ADD2: variants seen among roughly 807,000 people sequenced by gnomAD.
ADD2 encodes beta-adducin.
ADD2 carries 23 observed loss-of-function variants against 83.0 expected under a neutral mutation model. The observed-to-expected ratio is 0.28, with a 90% CI of 0.20 to 0.39. ADD2 has a LOEUF of 0.39. ADD2 is among the 10% of genes least tolerant of loss of function. ADD2 has a pLI of 1.00. For synonymous variants in ADD2, 375 were observed against 375.4 expected, an observed-to-expected ratio of 1.00 and a Z score of 0.01; for missense variants, 758 against 944.9, an observed-to-expected ratio of 0.80 and a Z score of 2.59.
At chr2:70,694,724 G>A (rs1184818938) in intron 6 of ADD2, among the ~76,000 whole-genome samples, 3 of 152,064 alleles carry the variant, frequency 2.0e-5, no homozygotes, top group Admixed American at 6.6e-5. Context: ...TCAGCTAGAC[G>A]CCTCCTCCCT....
At chr2:70,735,453 G>A (rs1256197214) in intron 1 of ADD2, among the ~76,000 whole-genome samples, 1 of 152,010 alleles carries the variant, frequency 6.6e-6, no homozygotes, top group Non-Finnish European at 1.5e-5. Flanking sequence ...ACACTCCAGG[G>A]GAGCTTTTAA....
At chr2:70,765,055 G>A (rs1448455200) in intron 1 of ADD2, among the ~76,000 whole-genome samples, 2 of 151,848 alleles carry the variant, frequency 1.3e-5, no homozygotes, top group African/African-American at 2.4e-5. Context: ...TTCTGGTCTC[G>A]GAATCAAGAA....
intron 1 of ADD2, among the ~76,000 whole-genome samples, chr2:70,744,796 G>A (rs1553381690): frequency 1.3e-5 from 2 of 152,132 alleles, no homozygotes; most frequent in Non-Finnish European, 2.9e-5. Context: ...GTCAGTTAGA[G>A]GCAGCAGCAG....
In ADD2 at chr2:70,676,506, G is replaced by T; in HGVS notation, c.1593+290C>A. 1 of 1,371,822 alleles carries T rather than the reference G, an allele frequency of 7.3e-7. No homozygotes were observed. Among genetic ancestry groups the T allele is most frequent in the South Asian group, 2.0e-5 (1 of 51,208 alleles). The allele number at this position is 1,371,822 out of a possible 1,614,324, so 85.0% of individuals were successfully genotyped here. ...CTTCACGGGGTAGTAAGGGAGGACA[G>T]AGTGGAGTTCCATGGCAGGAGGTAC... On this transcript the variant is annotated intron_variant, in intron 13 of 15. Transcript: ENST00000264436. The surrounding 1 kb of genome is among the most constrained non-coding windows in gnomAD (Gnocchi z 4.8).
chr2:70,667,424 C>T (rs563780225), intron 15 of ADD2, among the ~76,000 whole-genome samples: 7 of 152,248 alleles, frequency 4.6e-5, no homozygotes, highest in Admixed American at 1.3e-4. Flanking sequence ...CTGTGGGAGG[C>T]GCAGAGCTGG....
intron 4 of ADD2, among the ~76,000 whole-genome samples, chr2:70,701,817 A>T (rs554770180): frequency 6.6e-6 from 1 of 152,180 alleles, no homozygotes; most frequent in African/African-American, 2.4e-5. Flanking sequence ...AGTAAACTTC[A>T]TAAGAAATTA....
At chr2:70,705,902 G>A (rs1418253969) in intron 3 of ADD2, among the ~76,000 whole-genome samples, 2 of 152,158 alleles carry the variant, frequency 1.3e-5, no homozygotes, top group Admixed American at 6.5e-5. Flanking sequence ...GGATTTGTCC[G>A]TTCACTGTCA....
At chr2:70,741,819 G>GTGTCTT (rs1255849333) in intron 1 of ADD2, among the ~76,000 whole-genome samples, 1 of 152,124 alleles carries the variant, frequency 6.6e-6, no homozygotes, top group African/African-American at 2.4e-5. Context: ...AAATCATATG[G>GTGTCTT]TGTCTTGGTA....
chr2:70,734,298 A>T (rs1268255877), intron 1 of ADD2, among the ~76,000 whole-genome samples: 1 of 152,192 alleles, frequency 6.6e-6, no homozygotes, highest in Non-Finnish European at 1.5e-5. Context: ...GGGAAGCAGG[A>T]TTGGCCACTC....
chr2:70,706,293 G>A lies in ADD2; in HGVS notation c.116C>T (p.Ala39Val), dbSNP rs373392326. ...PEYMRLRNRAADLRQDFNLME... is the reference protein window; with the variant it reads ...PEYMRLRNRAVDLRQDFNLME... ...CAGGTTGAAGTCCTGCCGCAGGTCC[G>A]CCGCCCGGTTGCGAAGGCGCATGTA... Residue 39 changes from alanine to valine, a missense_variant, in exon 3 of 16, where the codon GCG (alanine) becomes GTG (valine). Coordinates refer to ENST00000264436, the MANE Select transcript of ADD2 (RefSeq NM_001617.4). This position sits in a 1 kb window ranked among gnomAD's most constrained non-coding sequence, Gnocchi z 5.0. The A allele has an allele frequency of 1.2e-6, 2 of 1,614,002 alleles. No individual in the cohort carries two copies. The highest frequency in any genetic ancestry group is 2.2e-5 in the East Asian group (1 of 44,888).
chr2:70,683,893 G>A, intron 9 of ADD2, 126 bp from the exon 10 acceptor site: 1 of 1,055,800 alleles, frequency 9.5e-7, no homozygotes, highest in Non-Finnish European at 1.3e-6. Flanking sequence ...CTGAGAAAGA[G>A]CCACCCATAC....
chr2:70,757,928 G>A (rs1674879818), intron 1 of ADD2, among the ~76,000 whole-genome samples: 1 of 152,104 alleles, frequency 6.6e-6, no homozygotes, highest in Admixed American at 6.5e-5. Context: ...ACATTCAAAT[G>A]CCCTTGTATT....
rs1046582915 is a variant in ADD2 at position 70,661,218 on chromosome 2, T to C, written c.*2207A>G. The C allele has an allele frequency of 6.6e-6, 1 of 152,222 alleles. No individual in the cohort carries two copies. The highest frequency in any genetic ancestry group is 1.5e-5 in the Non-Finnish European group (1 of 68,042). 9.4% of individuals were successfully genotyped at this position (152,222 alleles called of 1,614,324 possible). ...ACAAAAGGCTGCATCAGAGGTCGTGTTCACCATTCTCACAACATCGTTTGC... is the reference window on the plus strand; with the variant it reads ...ACAAAAGGCTGCATCAGAGGTCGTGCTCACCATTCTCACAACATCGTTTGC... On this transcript the variant is annotated 3_prime_UTR_variant, in exon 16 of 16. Transcript: ENST00000264436.
chr2:70,755,983 C>T (rs541732597), intron 1 of ADD2, among the ~76,000 whole-genome samples: 96 of 150,438 alleles, frequency 6.4e-4, no homozygotes, highest in African/African-American at 1.6e-3. Context: ...CGCTTGAACC[C>T]GGGAGGCAGA....
At position 70,706,135 on chromosome 2, in the gene ADD2, G is replaced by T. The variant is rs1671872293; in HGVS notation, c.183+91C>A. On this transcript the variant is annotated intron_variant, in intron 3 of 15. Transcript: ENST00000264436. This position sits in a 1 kb window ranked among gnomAD's most constrained non-coding sequence, Gnocchi z 5.0. ...ACATTTCTACTGACCCTGAGCAAGG[G>T]AAAGAGGAGTTACTCATCTTTCGGG... 1 of 1,379,796 alleles carries T rather than the reference G, an allele frequency of 7.2e-7. No homozygotes were observed. The highest frequency in any genetic ancestry group is 1.4e-5 in the African/African-American group (1 of 70,250). 85.5% of individuals were successfully genotyped at this position (1,379,796 alleles called of 1,614,324 possible). A position where few individuals can be genotyped will look rare whatever the true frequency, so the allele number is the denominator to read the frequency against.
chr2:70,729,524 G>A (rs1553378927), intron 1 of ADD2, among the ~76,000 whole-genome samples: 4 of 152,102 alleles, frequency 2.6e-5, no homozygotes, highest in African/African-American at 9.7e-5. Context: ...AGAAACCAAG[G>A]CCAAGAGTGG....
Position 70,680,196 on chromosome 2 carries a change from T to C in ADD2, c.1126-1235A>G, listed in dbSNP as rs1451815699. 2.6e-4 allele frequency among the ~76,000 whole-genome samples: 39 copies of C among 152,206 alleles called. 1 individual carries two copies. Among genetic ancestry groups the C allele is most frequent in the Admixed American group, 2.6e-3 (39 of 15,282 alleles). Reference sequence around the variant, plus strand: ...CCCCTATGAGTTCACTTTTTATGTTTACCATTTTGACAAACCAGGAATTTA... The same window carrying C: ...CCCCTATGAGTTCACTTTTTATGTTCACCATTTTGACAAACCAGGAATTTA... On this transcript the variant is annotated intron_variant, in intron 10 of 15. Transcript: ENST00000264436.
chr2:70,714,390 A>G (rs557423490), intron 1 of ADD2, among the ~76,000 whole-genome samples: 2 of 152,102 alleles, frequency 1.3e-5, no homozygotes, highest in Admixed American at 6.5e-5. Context: ...CGTCCCACCA[A>G]TGAGGGACAA....
intron 8 of ADD2, 106 bp downstream of exon 8, chr2:70,690,677 TTTC>T (rs1670980084): frequency 8.5e-6 from 11 of 1,299,024 alleles, no homozygotes; most frequent in Non-Finnish European, 7.3e-6. Flanking sequence ...CTTTCTTTTT[TTTC>T]CCCCCTCTCT....
Sources: allele counts gnomAD v4.1 joint callset (sites outside exome capture counted in the v4.1 genomes callset), GRCh38; gene constraint gnomAD v4.1.1; non-coding constraint Gnocchi (gnomAD v3.1); transcripts MANE v1.5; gene names NCBI Gene and HGNC (gene_info 2026-07-23, HGNC 2026-07-21).